ERICH1: variants seen among roughly 807,000 people sequenced by gnomAD.
ERICH1 encodes the protein glutamate rich 1.
A neutral mutation model predicts 39.6 loss-of-function variants in ERICH1; 56 were observed. That is an observed-to-expected ratio of 1.41 (90% CI 1.14 to 1.77). The LOEUF is 1.77. Ranked by LOEUF, ERICH1 falls within the 40% of genes most tolerant of loss-of-function variation. The probability of loss-of-function intolerance (pLI) is 0.00; values close to 1 mark genes in which losing one functional copy is unlikely to be tolerated. For missense variants in ERICH1, 826 were observed against 575.4 expected (o/e 1.44, Z -4.45); for synonymous variants, 313 against 223.6 (o/e 1.40, Z -3.57).
intron 1 of ERICH1, among the ~76,000 whole-genome samples, chr8:721,861 T>C (rs1817403367): frequency 1.3e-5 from 2 of 152,230 alleles, no homozygotes; most frequent in Admixed American, 1.3e-4. Context: ...TTTACCTAAG[T>C]GTGTGTACGC....
chr8:688,389 TC>T (rs1184661111), intron 3 of ERICH1, among the ~76,000 whole-genome samples: 1 of 72,222 alleles, frequency 1.4e-5, no homozygotes, highest in African/African-American at 5.1e-5. Context: ...CTCCGCAGGC[TC>T]CAGAGGCGCC....
At chr8:721,719 C>T (rs1372571542) in intron 1 of ERICH1, among the ~76,000 whole-genome samples, 6 of 152,196 alleles carry the variant, frequency 3.9e-5, no homozygotes, top group Non-Finnish European at 5.9e-5. Flanking sequence ...TCCAACGGGC[C>T]AGCTCTACTT....
chr8:659,873 CACTGAAT>C (rs1212213343), downstream of ERICH1, among the ~76,000 whole-genome samples: 21 of 81,286 alleles, frequency 2.6e-4, 6 homozygotes, highest in Admixed American at 8.2e-4. Context: ...CTCCAGTGTG[CACTGAAT>C]ATCCTGGGGA....
At chr8:727,064 T>A (rs573099697) in intron 1 of ERICH1, among the ~76,000 whole-genome samples, 2 of 139,410 alleles carry the variant, frequency 1.4e-5, no homozygotes, top group East Asian at 4.2e-4. Flanking sequence ...TGCACACACG[T>A]ACACATACAC....
intron 1 of ERICH1, among the ~76,000 whole-genome samples, chr8:723,638 A>G (rs1395367558): frequency 1.3e-5 from 2 of 152,224 alleles, no homozygotes; most frequent in Non-Finnish European, 2.9e-5. Context: ...TCTCTTTTTC[A>G]TCCTACATCT....
intron 3 of ERICH1, among the ~76,000 whole-genome samples, chr8:621,048 T>C (rs555451632): frequency 1.3e-5 from 2 of 151,932 alleles, no homozygotes; most frequent in Admixed American, 6.5e-5. Context: ...TACCTTTAAA[T>C]AGGATTGAAA....
chr8:704,970 T>G (rs1472719865), intron 2 of ERICH1, among the ~76,000 whole-genome samples: 1 of 152,168 alleles, frequency 6.6e-6, no homozygotes, highest in Non-Finnish European at 1.5e-5. Flanking sequence ...TAAAAAAAAG[T>G]TCAATATGGG....
intron 2 of ERICH1, among the ~76,000 whole-genome samples, chr8:705,977 A>G (rs1813188978): frequency 6.6e-6 from 1 of 152,176 alleles, no homozygotes; most frequent in African/African-American, 2.4e-5. Context: ...TGAAGATGAT[A>G]ACGCTGTATT....
chr8:682,574 C>T (rs1403536159), intron 3 of ERICH1, among the ~76,000 whole-genome samples: 2 of 152,178 alleles, frequency 1.3e-5, no homozygotes, highest in East Asian at 1.9e-4. Flanking sequence ...CAGCTGAAAG[C>T]GATGTGAGGG....
intron 3 of ERICH1, among the ~76,000 whole-genome samples, chr8:634,749 T>TCA (rs1798293321): frequency 6.6e-6 from 1 of 152,164 alleles, no homozygotes; most frequent in African/African-American, 2.4e-5. Flanking sequence ...CCACGCGGGA[T>TCA]GACCTTGGCG....
At position 692,458 on chromosome 8, in the gene ERICH1, C is replaced by T. The variant is rs973662703; in HGVS notation, c.304+20G>A. The T allele has an allele frequency of 6.2e-7, 1 of 1,613,874 alleles. No individual in the cohort carries two copies. The highest frequency in any genetic ancestry group is 8.5e-7 in the Non-Finnish European group (1 of 1,179,900). On this transcript the variant is annotated intron_variant, in intron 3 of 5. Coordinates refer to ENST00000262109, the MANE Select transcript of ERICH1 (RefSeq NM_207332.3). ...CTTATCTGCAAAGATGTCTACCTTT[C>T]CTCCCACCCAGCATTTTACCTTCTG...
chr8:689,620 T>C (rs1808441693), intron 3 of ERICH1, among the ~76,000 whole-genome samples: 1 of 152,136 alleles, frequency 6.6e-6, no homozygotes, highest in African/African-American at 2.4e-5. Flanking sequence ...GGAAGAGGCA[T>C]GTTGGGGGCA....
intron 3 of ERICH1, among the ~76,000 whole-genome samples, chr8:678,977 G>C (rs958269344): frequency 2.6e-5 from 4 of 151,484 alleles, no homozygotes; most frequent in Non-Finnish European, 5.9e-5. Context: ...CTTCAGCTCC[G>C]ACCCCTCACA....
chr8:701,428 G>A (rs1005369583), intron 2 of ERICH1, among the ~76,000 whole-genome samples: 1 of 151,468 alleles, frequency 6.6e-6, no homozygotes, highest in Non-Finnish European at 1.5e-5. Context: ...ACCCACGGGT[G>A]TGCCCTGCTG....
At chr8:616,334 A>G in intron 3 of ERICH1, 1 of 339,882 alleles carries the variant, frequency 2.9e-6, no homozygotes, top group Non-Finnish European at 5.8e-6. Flanking sequence ...GTTAACTGAA[A>G]GTTGCTGAAG....
intron 3 of ERICH1, among the ~76,000 whole-genome samples, chr8:621,836 A>C (rs1797301225): frequency 6.6e-6 from 1 of 152,250 alleles, no homozygotes; most frequent in African/African-American, 2.4e-5. Flanking sequence ...CAACAAAGTT[A>C]AATACAATTC....
At chr8:699,767 CCGCACAGACCCGCACACG>C (rs1167100957) in intron 2 of ERICH1, among the ~76,000 whole-genome samples, 2,473 of 120,212 alleles carry the variant, frequency 0.021, 98 homozygotes, top group African/African-American at 0.054. Context: ...ACTCACACAG[CCGCACAGACCCGCACACG>C]CGCACAGACC....
intron 3 of ERICH1, chr8:615,926 G>A (rs1180890367): frequency 6.6e-6 from 1 of 152,404 alleles, no homozygotes; most frequent in Non-Finnish European, 1.5e-5. Flanking sequence ...GAGAACCTAG[G>A]GAAATTATCC....
At chr8:649,586 C>T (rs1031643710) in intron 3 of ERICH1, among the ~76,000 whole-genome samples, 1 of 152,012 alleles carries the variant, frequency 6.6e-6, no homozygotes, top group African/African-American at 2.4e-5. Flanking sequence ...ATGTCCAGCA[C>T]CGTACCTCTC....
Sources: allele counts gnomAD v4.1 joint callset (sites outside exome capture counted in the v4.1 genomes callset), GRCh38; gene constraint gnomAD v4.1.1; transcripts MANE v1.5; gene names NCBI Gene and HGNC (gene_info 2026-07-23, HGNC 2026-07-21).